Variants in CNTN4 observed in about 807,000 individuals in gnomAD.
CNTN4 encodes the protein contactin 4, also known as contactin-4.
A neutral mutation model predicts 122.5 loss-of-function variants in CNTN4; 77 were observed. The observed-to-expected ratio is 0.63, with a 90% CI of 0.52 to 0.76. The LOEUF is 0.76. Ranked by LOEUF, CNTN4 falls within the 30% of genes least tolerant of loss-of-function variation. The pLI, the probability that CNTN4 is intolerant of heterozygous loss-of-function variation, is 0.00. For synonymous variants in CNTN4, 512 were observed against 447.0 expected (o/e 1.15, Z -1.83); for missense variants, 1,256 against 1,259.1 (o/e 1.00, Z 0.04).
chr3:2,296,794 A>G (rs911596425), intron 2 of CNTN4, among the ~76,000 whole-genome samples: 29 of 131,376 alleles, frequency 2.2e-4, no homozygotes, highest in Non-Finnish European at 4.0e-4. Flanking sequence ...GCTCTGAAAA[A>G]AAAAAACAAC....
chr3:2,262,235 T>A (rs978929419), intron 2 of CNTN4: 4 of 152,186 alleles, frequency 2.6e-5, no homozygotes, highest in African/African-American at 9.7e-5. Flanking sequence ...TGGACCAATT[T>A]TTCCAGATAA....
At chr3:2,423,075 C>T (rs571757176) in intron 3 of CNTN4, among the ~76,000 whole-genome samples, 1 of 152,174 alleles carries the variant, frequency 6.6e-6, no homozygotes, top group Non-Finnish European at 1.5e-5. Flanking sequence ...GAATGAACTT[C>T]AACAGTGATG....
At chr3:2,601,054 T>G (rs2081022379) in intron 4 of CNTN4, among the ~76,000 whole-genome samples, 1 of 152,192 alleles carries the variant, frequency 6.6e-6, no homozygotes, top group Admixed American at 6.6e-5. Context: ...GGTTGTTGTA[T>G]TTTTTCTTGT....
intron 3 of CNTN4, among the ~76,000 whole-genome samples, chr3:2,448,990 T>A (rs1006477997): frequency 6.6e-6 from 1 of 152,128 alleles, no homozygotes; most frequent in African/African-American, 2.4e-5. Context: ...CCATGTAACT[T>A]TTTTTTATTA....
chr3:2,628,708 C>A (rs1200041743), intron 4 of CNTN4, among the ~76,000 whole-genome samples: 2 of 152,144 alleles, frequency 1.3e-5, no homozygotes, highest in African/African-American at 4.8e-5. Flanking sequence ...CATCCTTCAA[C>A]CAGTAGTTCC....
chr3:2,406,600 T>A (rs1415025407), intron 3 of CNTN4, among the ~76,000 whole-genome samples: 1 of 152,150 alleles, frequency 6.6e-6, no homozygotes, highest in Non-Finnish European at 1.5e-5. Flanking sequence ...TTTTGTAATT[T>A]TTTAAAATAT....
intron 3 of CNTN4, among the ~76,000 whole-genome samples, chr3:2,419,474 C>T (rs1415259268): frequency 6.6e-6 from 1 of 152,022 alleles, no homozygotes; most frequent in Admixed American, 6.6e-5. Flanking sequence ...AAACTGATAC[C>T]CGTAAGTCCA....
intron 2 of CNTN4, among the ~76,000 whole-genome samples, chr3:2,152,893 C>T (rs963326176): frequency 2.0e-5 from 3 of 152,204 alleles, no homozygotes; most frequent in African/African-American, 7.2e-5. Flanking sequence ...AGACGTTGCC[C>T]TCTTAGCCTG....
intron 3 of CNTN4, among the ~76,000 whole-genome samples, chr3:2,562,308 A>C (rs1372558888): frequency 6.6e-6 from 1 of 152,096 alleles, no homozygotes; most frequent in Non-Finnish European, 1.5e-5. Flanking sequence ...TGAAATTAGG[A>C]GGACAAATGA....
intron 2 of CNTN4, among the ~76,000 whole-genome samples, chr3:2,181,134 C>T (rs1438143626): frequency 6.6e-6 from 1 of 151,896 alleles, no homozygotes; most frequent in Non-Finnish European, 1.5e-5. Flanking sequence ...TCCAGCATGA[C>T]CTACAAAAAA....
intron 4 of CNTN4, among the ~76,000 whole-genome samples, chr3:2,679,508 T>C (rs577766071): frequency 1.6e-4 from 25 of 152,312 alleles, no homozygotes; most frequent in African/African-American, 5.5e-4. Context: ...GTGATGATTA[T>C]GGATGACATT....
intron 12 of CNTN4, among the ~76,000 whole-genome samples, chr3:2,923,889 A>G (rs1031121934): frequency 6.6e-6 from 1 of 152,162 alleles, no homozygotes; most frequent in Non-Finnish European, 1.5e-5. Flanking sequence ...CATAAACCCT[A>G]CAATTTTTAT....
At chr3:2,110,560 C>G (rs1012446888) in intron 2 of CNTN4, 8 of 152,224 alleles carry the variant, frequency 5.3e-5, no homozygotes, top group African/African-American at 1.9e-4. Flanking sequence ...TGCTGCCTTT[C>G]AGATTGTCAT....
chr3:2,389,612 T>C (rs1408183965), intron 3 of CNTN4, among the ~76,000 whole-genome samples: 2 of 152,232 alleles, frequency 1.3e-5, no homozygotes, highest in Non-Finnish European at 2.9e-5. Context: ...TACTATGGTC[T>C]ATCTCCCTTG....
intron 3 of CNTN4, among the ~76,000 whole-genome samples, chr3:2,516,559 A>G (rs778308134): frequency 6.6e-6 from 1 of 152,092 alleles, no homozygotes; most frequent in Non-Finnish European, 1.5e-5. Flanking sequence ...GTATAGTTAA[A>G]AAGGTAAAGT....
intron 11 of CNTN4, among the ~76,000 whole-genome samples, chr3:2,901,604 C>G (rs1251023563): frequency 6.6e-6 from 1 of 152,176 alleles, no homozygotes; most frequent in Non-Finnish European, 1.5e-5. Context: ...TATTTTCCTT[C>G]TTTTGTGTAA....
intron 3 of CNTN4, among the ~76,000 whole-genome samples, chr3:2,426,436 A>G (rs1322115481): frequency 6.6e-6 from 1 of 152,164 alleles, no homozygotes; most frequent in Non-Finnish European, 1.5e-5. Context: ...ATCATGGTGG[A>G]TAAGCTTTTT....
chr3:2,294,035 G>C (rs1011291766), intron 2 of CNTN4, among the ~76,000 whole-genome samples: 13 of 152,148 alleles, frequency 8.5e-5, no homozygotes, highest in Admixed American at 1.3e-4. Flanking sequence ...GGAAGCATTT[G>C]AACCATACAT....
At chr3:2,166,932 T>G (rs931772383) in intron 2 of CNTN4, among the ~76,000 whole-genome samples, 1 of 152,128 alleles carries the variant, frequency 6.6e-6, no homozygotes, top group African/African-American at 2.4e-5. Context: ...AGTAAAAATT[T>G]GGAAGAAAGA....
Sources: allele counts gnomAD v4.1 joint callset (sites outside exome capture counted in the v4.1 genomes callset), GRCh38; gene constraint gnomAD v4.1.1; transcripts MANE v1.5; gene names NCBI Gene and HGNC (gene_info 2026-07-23, HGNC 2026-07-21).